FAM185A: variants seen among roughly 807,000 people sequenced by gnomAD.
FAM185A encodes the protein family with sequence similarity 185 member A, also known as protein FAM185A.
FAM185A carries 21 observed loss-of-function variants against 45.7 expected under a neutral mutation model. The observed-to-expected ratio is 0.46, with a 90% CI of 0.33 to 0.66. The LOEUF (loss-of-function observed/expected upper bound fraction) is 0.66, where lower values mean the gene tolerates loss of function less well. FAM185A is among the 30% of genes least tolerant of loss of function. The probability of loss-of-function intolerance (pLI) is 0.03; values close to 1 mark genes in which losing one functional copy is unlikely to be tolerated. For synonymous variants in FAM185A, 117 were observed against 194.0 expected (o/e 0.60, Z 3.30); for missense variants, 305 against 485.4 (o/e 0.63, Z 3.49).
In FAM185A at chr7:102,802,403, C is replaced by A. The variant is rs184805950; in HGVS notation, c.1067-5887C>A. ...TCCAAAAGGAACCTTCAAAACCATG[C>A]AAATACATGGAAATTAAATAATCTG... On this transcript the variant is annotated intron_variant, in intron 7 of 7. Transcript: ENST00000413034. Among the ~76,000 whole-genome samples, 512 of 152,208 alleles carry A rather than the reference C, an allele frequency of 3.4e-3. 3 individuals are homozygous for A. The highest frequency in any genetic ancestry group is 0.012 in the African/African-American group (491 of 41,522).
At chr7:102,850,260 CA>C in the FAM185A span, among the ~76,000 whole-genome samples, 1 of 151,962 alleles carries the variant, frequency 6.6e-6, no homozygotes, top group East Asian at 1.9e-4. Context: ...CCCACAGAAT[CA>C]AAAAAGAATG....
the FAM185A span, among the ~76,000 whole-genome samples, chr7:102,847,211 A>G: frequency 6.6e-6 from 1 of 152,052 alleles, no homozygotes; most frequent in Non-Finnish European, 1.5e-5. Flanking sequence ...TTACAGGAAA[A>G]AAAAAAAAGC....
At chr7:102,843,272 C>T in the FAM185A span, among the ~76,000 whole-genome samples, 270 of 152,094 alleles carry the variant, frequency 1.8e-3, 1 homozygote, top group African/African-American at 5.6e-3. Flanking sequence ...GCTGAAACCC[C>T]GTCTCTACTA....
intron 6 of FAM185A, among the ~76,000 whole-genome samples, chr7:102,785,736 G>A (rs553168926): frequency 1.6e-4 from 24 of 152,032 alleles, no homozygotes; most frequent in Admixed American, 1.0e-3. Context: ...CCTAGAAGAA[G>A]ACCTAGGCAA....
At chr7:102,821,585 A>G in the FAM185A span, among the ~76,000 whole-genome samples, 1 of 152,214 alleles carries the variant, frequency 6.6e-6, no homozygotes, top group African/African-American at 2.4e-5. Flanking sequence ...CTTACCTTCT[A>G]TGTCAGGGAA....
At chr7:102,805,695 A>T (rs1296909221) in intron 7 of FAM185A, among the ~76,000 whole-genome samples, 2 of 152,158 alleles carry the variant, frequency 1.3e-5, no homozygotes, top group African/African-American at 4.8e-5. Context: ...AATTAAAAAT[A>T]AATAAATTAA....
intron 7 of FAM185A, among the ~76,000 whole-genome samples, chr7:102,806,906 AGT>A (rs1797148610): frequency 6.6e-6 from 1 of 152,170 alleles, no homozygotes; most frequent in South Asian, 2.1e-4. Flanking sequence ...GGCTGCCCAG[AGT>A]TCATAAGAAA....
the FAM185A span, among the ~76,000 whole-genome samples, chr7:102,835,590 G>A: frequency 2.7e-5 from 4 of 146,156 alleles, no homozygotes; most frequent in Admixed American, 2.1e-4. Context: ...GTTGCAAGAA[G>A]TAAGGTGACA....
At chr7:102,826,227 G>A in the FAM185A span, among the ~76,000 whole-genome samples, 480 of 152,142 alleles carry the variant, frequency 3.2e-3, no homozygotes, top group Non-Finnish European at 4.4e-3. Context: ...GAAAAAACCC[G>A]CCTTGAAGAT....
intron 2 of FAM185A, chr7:102,755,519 C>A: frequency 1.6e-6 from 1 of 627,914 alleles, no homozygotes; most frequent in South Asian, 1.8e-5. Context: ...GCAAAGGGGA[C>A]CTCCCCATTA....
chr7:102,843,058 C>T, the FAM185A span, among the ~76,000 whole-genome samples: 1 of 152,248 alleles, frequency 6.6e-6, no homozygotes, highest in Non-Finnish European at 1.5e-5. Flanking sequence ...ATAAATGTTA[C>T]CAAAGGGCAA....
At chr7:102,793,715 A>ATT (rs536066327) in intron 7 of FAM185A, among the ~76,000 whole-genome samples, 1 of 151,606 alleles carries the variant, frequency 6.6e-6, no homozygotes, top group East Asian at 1.9e-4. Context: ...TGTTGCATAT[A>ATT]TTTTTTTGTT....
chr7:102,763,463 G>A (rs1213320710), intron 4 of FAM185A, among the ~76,000 whole-genome samples: 1 of 152,090 alleles, frequency 6.6e-6, no homozygotes, highest in Non-Finnish European at 1.5e-5. Context: ...TGGGACCAAT[G>A]CCATGTAAAG....
chr7:102,842,146 C>T, the FAM185A span, among the ~76,000 whole-genome samples: 6 of 152,184 alleles, frequency 3.9e-5, no homozygotes, highest in Non-Finnish European at 8.8e-5. Context: ...AATGTCCGGA[C>T]GTTCCACCTC....
chr7:102,847,517 A>AT, the FAM185A span, among the ~76,000 whole-genome samples: 13 of 151,416 alleles, frequency 8.6e-5, no homozygotes, highest in Non-Finnish European at 1.5e-4. Context: ...TTAACACTCA[A>AT]TTTTTTTTTC....
intron 7 of FAM185A, among the ~76,000 whole-genome samples, chr7:102,796,150 G>A (rs1796427306): frequency 6.6e-6 from 1 of 152,052 alleles, no homozygotes; most frequent in Non-Finnish European, 1.5e-5. Context: ...TGATTAGTCA[G>A]TCTGAGATGA....
chr7:102,829,354 G>C, the FAM185A span, among the ~76,000 whole-genome samples: 1 of 152,200 alleles, frequency 6.6e-6, no homozygotes, highest in African/African-American at 2.4e-5. Flanking sequence ...CAGTGGACCT[G>C]CTTCACATCA....
At chr7:102,781,685 A>T (rs1298008311) in intron 6 of FAM185A, among the ~76,000 whole-genome samples, 1 of 152,246 alleles carries the variant, frequency 6.6e-6, no homozygotes, top group Non-Finnish European at 1.5e-5. Flanking sequence ...GACCAAAGGT[A>T]GATAAAACCA....
At chr7:102,764,021 T>G (rs2129434627) in intron 4 of FAM185A, among the ~76,000 whole-genome samples, 1 of 152,350 alleles carries the variant, frequency 6.6e-6, no homozygotes, top group East Asian at 1.9e-4. Context: ...CCTGCCTCAA[T>G]GCAAAGAACT....
Sources: gnomAD v4.1 joint callset for allele counts (sites outside exome capture counted in the v4.1 genomes callset) on GRCh38, gnomAD v4.1.1 for gene constraint, MANE v1.5 for transcripts, NCBI Gene and HGNC (gene_info 2026-07-23, HGNC 2026-07-21) for gene names.